MTTP: variants seen among roughly 807,000 people sequenced by gnomAD.
MTTP encodes microsomal triglyceride transfer protein large subunit.
MTTP carries 49 observed loss-of-function variants against 90.6 expected under a neutral mutation model. That is an observed-to-expected ratio of 0.54 (90% CI 0.43 to 0.69). The LOEUF (loss-of-function observed/expected upper bound fraction) is 0.69. MTTP is among the 30% of genes least tolerant of loss of function. The pLI, the probability that MTTP is intolerant of heterozygous loss-of-function variation, is 0.00. For missense variants in MTTP, 945 were observed against 1,067.5 expected (o/e 0.89, Z 1.60); for synonymous variants, 347 against 384.2 (o/e 0.90, Z 1.13).
chr4:99,583,533 G>C lies in MTTP; in HGVS notation c.393+16G>C. 6.2e-7 allele frequency: 1 copy of C among 1,613,426 alleles called. No individual in the cohort carries two copies. The highest frequency in any genetic ancestry group is 8.5e-7 in the Non-Finnish European group (1 of 1,179,770). On this transcript the variant is annotated intron_variant, in intron 3 of 17. Transcript: ENST00000265517. ...CCATGGAAAGGTAAAGGGGCGTTTA[G>C]ATTCCACAACTTTTTCTCCAACTTC...
At chr4:99,564,473 G>T in intron 1 of MTTP, 1 of 468,164 alleles carries the variant, frequency 2.1e-6, no homozygotes, top group Non-Finnish European at 3.7e-6. Flanking sequence ...GAATCTGTAA[G>T]GCTTTTTTAT....
At chr4:99,599,539 A>C (rs996027272) in intron 8 of MTTP, among the ~76,000 whole-genome samples, 1 of 152,220 alleles carries the variant, frequency 6.6e-6, no homozygotes, top group Admixed American at 6.5e-5. Flanking sequence ...AGGTGGTAGT[A>C]TTAGTAACAG....
intron 1 of MTTP, among the ~76,000 whole-genome samples, chr4:99,576,732 A>G (rs1171998193): frequency 1.3e-5 from 2 of 151,556 alleles, no homozygotes; most frequent in East Asian, 1.9e-4. Flanking sequence ...AAATATACAC[A>G]TACACTAGAC....
intron 1 of MTTP, chr4:99,564,359 T>A: frequency 1.0e-6 from 1 of 956,102 alleles, no homozygotes; most frequent in Non-Finnish European, 1.5e-6. Context: ...ATATTATTTT[T>A]AATTTATACA....
At chr4:99,620,005 A>G (rs1429697321) in intron 16 of MTTP, among the ~76,000 whole-genome samples, 1 of 152,244 alleles carries the variant, frequency 6.6e-6, no homozygotes, top group Non-Finnish European at 1.5e-5. Flanking sequence ...TGCAAAGAGA[A>G]ATCAACAACA....
rs1323984485 is a variant in MTTP at position 99,582,061 on chromosome 4, A to G, written c.218A>G (p.Asp73Gly). The G allele has an allele frequency of 4.3e-6, 7 of 1,614,154 alleles. No homozygotes were observed. The highest frequency in any genetic ancestry group is 5.9e-6 in the Non-Finnish European group (7 of 1,180,008). ...VDVALLWRNP[D>G]GDDDQLIQIT... The stretch of plus-strand genomic sequence containing the variant: ...GTGGCCTTACTATGGAGGAATCCTG[A>G]TGGTGATGATGACCAGTTGATCCAA... The change falls in exon 2 of 18, where the codon GAT (aspartate) becomes GGT (glycine). Residue 73 changes from aspartate to glycine, a missense_variant. Transcript: ENST00000265517.
Position 99,619,097 on chromosome 4 carries a change from A to G in MTTP, c.2341A>G (p.Arg781Gly). The G allele has an allele frequency of 6.2e-7, 1 of 1,613,002 alleles. No individual in the cohort carries two copies. The change falls in exon 16 of 18, where the codon AGG becomes GGG. Residue 781 changes from arginine to glycine, a missense_variant and splice_region_variant. Arg to Gly is a moderately radical substitution (Grantham distance 125). Coordinates refer to ENST00000265517, the MANE Select transcript of MTTP (RefSeq NM_001386140.1). The part of the protein sequence containing the change: ...YRESKTRVKN[R>G]VTVVITTDIT... ...TGAGTCTAAAACCCGAGTGAAAAAT[A>G]GGTAAGTGTTTATGCATTATACATT...
chr4:99,622,583 C>T, intron 17 of MTTP, 94 bp from the exon 18 acceptor site: 1 of 1,374,108 alleles, frequency 7.3e-7, no homozygotes, highest in Non-Finnish European at 1.0e-6. Context: ...TGCTTTGGAA[C>T]AGAAACTTCA....
At chr4:99,615,258 G>A (rs1726071004) in intron 15 of MTTP, among the ~76,000 whole-genome samples, 1 of 152,228 alleles carries the variant, frequency 6.6e-6, no homozygotes, top group African/African-American at 2.4e-5. Context: ...TGTTACTGTA[G>A]AGTGAAGACA....
chr4:99,621,306 T>C, intron 17 of MTTP, 75 bp downstream of exon 17: 1 of 1,527,550 alleles, frequency 6.5e-7, no homozygotes. Context: ...TTTAGAACAT[T>C]CAGTTTCAGA....
chr4:99,610,633 T>C (rs529985411), intron 12 of MTTP, among the ~76,000 whole-genome samples: 2 of 152,336 alleles, frequency 1.3e-5, no homozygotes, highest in African/African-American at 4.8e-5. Flanking sequence ...GAGGAGACGA[T>C]GATTTCTATA....
rs770694073 is a variant in MTTP, at chr4:99,622,832, C to T, written c.2669C>T (p.Ser890Phe). 2 of 1,614,096 alleles carry T rather than the reference C, an allele frequency of 1.2e-6. No individual in the cohort carries two copies. ...VVFAPQPDST[S>F]SGWF ...TTTGCCCCTCAGCCGGATAGTACTT[C>T]CAGCGGATGGTTTTGAAACTGACCT... The change falls in exon 18 of 18, where the codon TCC becomes TTC. Residue 890 changes from serine (S) to phenylalanine (F), a missense_variant. Ser to Phe is a radical substitution (Grantham distance 155). Coordinates refer to ENST00000265517, the MANE Select transcript of MTTP (RefSeq NM_001386140.1).
At chr4:99,591,522 G>T (rs1725420075) in intron 5 of MTTP, 129 bp from the exon 6 acceptor site, 26 of 1,141,978 alleles carry the variant, frequency 2.3e-5, no homozygotes, top group South Asian at 6.5e-5. Flanking sequence ...AATTGTTGTA[G>T]GTGTTAGTAA....
intron 3 of MTTP, among the ~76,000 whole-genome samples, chr4:99,588,560 G>A (rs1331736457): frequency 6.6e-6 from 1 of 151,726 alleles, no homozygotes; most frequent in Non-Finnish European, 1.5e-5. Context: ...TACTATTCCT[G>A]CCAAATCATA....
Position 99,597,137 on chromosome 4 carries a change from G to C in MTTP, c.980G>C (p.Arg327Thr), listed in dbSNP as rs1229771116. ...AACCTTTCCAAGGCTGAGGCTGTCA[G>C]AAACTTCCTGGCCTTCATTCAGCAC... ...PDNLSKAEAV[R>T]NFLAFIQHLR... The change falls in exon 8 of 18, where the codon AGA becomes ACA. Residue 327 changes from arginine to threonine, a missense_variant. Coordinates refer to ENST00000265517, the MANE Select transcript of MTTP (RefSeq NM_001386140.1). 1 of 1,614,050 alleles carries C rather than the reference G, an allele frequency of 6.2e-7. No homozygotes were observed. The highest frequency in any genetic ancestry group is 8.5e-7 in the Non-Finnish European group (1 of 1,179,952).
chr4:99,611,029 T>A, intron 12 of MTTP, 114 bp from the exon 13 acceptor site: 1 of 1,063,736 alleles, frequency 9.4e-7, no homozygotes, highest in Non-Finnish European at 1.4e-6. Flanking sequence ...TGGAAAGGCA[T>A]GAGGAAAATT....
rs752939397 is a variant in MTTP at position 99,582,030 on chromosome 4, G to A, written c.187G>A (p.Val63Met). 1.8e-5 allele frequency: 29 copies of A among 1,614,174 alleles called. No homozygotes were observed. The highest frequency in any genetic ancestry group is 1.9e-5 in the Non-Finnish European group (22 of 1,180,010). ...CGTGGGCTACCGCATTTCCTCCAAC[G>A]TGGATGTGGCCTTACTATGGAGGAA... ...DSVGYRISSN[V>M]DVALLWRNPD... Residue 63 changes from valine to methionine, a missense_variant, in exon 2 of 18, where the codon GTG becomes ATG. Transcript: ENST00000265517.
At chr4:99,580,697 A>T (rs1725087934) in intron 1 of MTTP, among the ~76,000 whole-genome samples, 1 of 152,052 alleles carries the variant, frequency 6.6e-6, no homozygotes, top group Non-Finnish European at 1.5e-5. Context: ...TGAGACTAAT[A>T]ATAGTGCCTA....
chr4:99,594,584 A>G, intron 6 of MTTP, 149 bp from the exon 7 acceptor site: 1 of 841,034 alleles, frequency 1.2e-6, no homozygotes, highest in Non-Finnish European at 1.9e-6. Flanking sequence ...ATGAGCTTTC[A>G]GTTACCTCTG....
Sources: allele counts gnomAD v4.1 joint callset (sites outside exome capture counted in the v4.1 genomes callset), GRCh38; gene constraint gnomAD v4.1.1; transcripts MANE v1.5; gene names NCBI Gene and HGNC (gene_info 2026-07-23, HGNC 2026-07-21).